HIPK3: variants seen among roughly 807,000 people sequenced by gnomAD.
HIPK3 encodes homeodomain-interacting protein kinase 3.
In HIPK3, 47 loss-of-function variants were observed where a neutral mutation model predicts 124.2. The ratio of observed to expected loss-of-function variants is 0.38; its 90% CI spans 0.30 to 0.48. The LOEUF (loss-of-function observed/expected upper bound fraction) is 0.48. HIPK3 is among the 20% of genes least tolerant of loss of function. The pLI, the probability that HIPK3 is intolerant of heterozygous loss-of-function variation, is 0.98. For synonymous variants in HIPK3, 482 were observed against 515.2 expected, an observed-to-expected ratio of 0.94 and a Z score of 0.87; for missense variants, 1,286 against 1,454.3, an observed-to-expected ratio of 0.88 and a Z score of 1.88.
At chr11:33,338,450 TCTCGATCTCTTGAC>T (rs1853225634) in intron 4 of HIPK3, among the ~76,000 whole-genome samples, 2 of 152,166 alleles carry the variant, frequency 1.3e-5, no homozygotes, top group South Asian at 2.1e-4. Flanking sequence ...ACCAGGATGG[TCTCGATCTCTTGAC>T]CTCGTGATCC....
At chr11:33,342,807 A>C (rs1853376437) in intron 8 of HIPK3, among the ~76,000 whole-genome samples, 1 of 152,074 alleles carries the variant, frequency 6.6e-6, no homozygotes, top group African/African-American at 2.4e-5. Flanking sequence ...CGGCCTCCCA[A>C]AATGTTGGGA....
chr11:33,303,033 G>A (rs1053267296), intron 2 of HIPK3, among the ~76,000 whole-genome samples: 8 of 152,112 alleles, frequency 5.3e-5, no homozygotes, highest in Non-Finnish European at 8.8e-5. Context: ...ATGCAAACCA[G>A]TCTGATCTGT....
At chr11:33,298,746 T>C (rs1419666040) in intron 2 of HIPK3, among the ~76,000 whole-genome samples, 1 of 152,148 alleles carries the variant, frequency 6.6e-6, no homozygotes, top group Non-Finnish European at 1.5e-5. Context: ...AGAGAACTAT[T>C]AGTAGAATTA....
intron 2 of HIPK3, among the ~76,000 whole-genome samples, chr11:33,315,877 G>T (rs1340560461): frequency 6.6e-6 from 1 of 152,078 alleles, no homozygotes; most frequent in Non-Finnish European, 1.5e-5. Flanking sequence ...TTTGTACTTG[G>T]TGCTTTGATC....
intron 2 of HIPK3, among the ~76,000 whole-genome samples, chr11:33,326,657 T>TG (rs1852820293): frequency 6.6e-6 from 1 of 151,462 alleles, no homozygotes; most frequent in Admixed American, 6.6e-5. Context: ...GAGTTATGAC[T>TG]GGTCAAATCT....
chr11:33,338,710 AAAT>A (rs765863086), intron 4 of HIPK3, 44 bp from the exon 5 acceptor site: 1 of 1,272,766 alleles, frequency 7.9e-7, no homozygotes, highest in Non-Finnish European at 1.1e-6. Flanking sequence ...AGGATTAAAG[AAAT>A]TTGTAATAAT....
At chr11:33,258,835 T>G in intron 1 of HIPK3, 1 of 605,620 alleles carries the variant, frequency 1.7e-6, no homozygotes, top group Non-Finnish European at 2.1e-6. Flanking sequence ...TCACAACCTC[T>G]TACTGCCCTG....
chr11:33,268,409 T>C (rs900621119), intron 1 of HIPK3, among the ~76,000 whole-genome samples: 1 of 151,616 alleles, frequency 6.6e-6, no homozygotes, highest in African/African-American at 2.4e-5. Flanking sequence ...AGCCTGGGTA[T>C]ATAGTGAGAC....
At position 33,295,769 on chromosome 11, in the gene HIPK3, T is replaced by C. The variant is rs193014533; in HGVS notation, c.1097+8258T>C. The stretch of plus-strand genomic sequence containing the variant: ...AGAACTGATGTTGTGTCCACACATA[T>C]TGAGAGGCGCATGATGTCAATTTGT... On this transcript the variant is annotated intron_variant, in intron 2 of 16. Coordinates refer to ENST00000303296, the MANE Select transcript of HIPK3 (RefSeq NM_005734.5). Among the ~76,000 whole-genome samples the C allele has an allele frequency of 8.7e-4, 132 of 152,348 alleles. 1 individual carries two copies. The highest frequency in any genetic ancestry group is 3.4e-3 in the Middle Eastern group (1 of 294).
intron 3 of HIPK3, among the ~76,000 whole-genome samples, chr11:33,336,338 A>G (rs1008770047): frequency 6.6e-6 from 1 of 152,194 alleles, no homozygotes; most frequent in East Asian, 1.9e-4. Context: ...CTCTTCCCCA[A>G]GAGACACAGC....
chr11:33,336,920 A>G (rs573314420), intron 3 of HIPK3, among the ~76,000 whole-genome samples, 155 bp from the exon 4 acceptor site: 2 of 152,318 alleles, frequency 1.3e-5, no homozygotes, highest in Non-Finnish European at 2.9e-5. Flanking sequence ...TCCACATTAT[A>G]ATTTTTTCCA....
chr11:33,337,267 C>A, intron 4 of HIPK3, 73 bp downstream of exon 4: 1 of 767,276 alleles, frequency 1.3e-6, no homozygotes, highest in Non-Finnish European at 1.9e-6. Flanking sequence ...ATAATACCTT[C>A]CATGTCTATT....
At chr11:33,301,990 A>G (rs956089408) in intron 2 of HIPK3, among the ~76,000 whole-genome samples, 1 of 152,198 alleles carries the variant, frequency 6.6e-6, no homozygotes, top group African/African-American at 2.4e-5. Flanking sequence ...AGACCTGTAC[A>G]GTACCTAAGG....
chr11:33,291,277 T>C (rs1851691176), intron 2 of HIPK3, among the ~76,000 whole-genome samples: 1 of 152,246 alleles, frequency 6.6e-6, no homozygotes, highest in African/African-American at 2.4e-5. Flanking sequence ...ACTTGATTTT[T>C]CAATTTTTGT....
intron 1 of HIPK3, among the ~76,000 whole-genome samples, chr11:33,270,221 C>T (rs1268762991): frequency 6.6e-6 from 1 of 152,158 alleles, no homozygotes. Context: ...CTCAGGTGAT[C>T]CACCTGCCTC....
Position 33,339,476 on chromosome 11 carries a change from A to G in HIPK3, c.1555A>G (p.Thr519Ala). ...DADLRITPAETLNHPFVNMKH... is the reference protein window; with the variant it reads ...DADLRITPAEALNHPFVNMKH... ...AGATTTAAGAATTACTCCAGCTGAG[A>G]CCCTGAACCATCCTTTTGTTAATAT... Residue 519 changes from threonine to alanine, a missense_variant, in exon 6 of 17, where the codon ACC (threonine) becomes GCC (alanine). Transcript: ENST00000303296. The G allele has an allele frequency of 5.0e-6, 8 of 1,612,146 alleles. No individual in the cohort carries two copies. The highest frequency in any genetic ancestry group is 6.8e-6 in the Non-Finnish European group (8 of 1,178,592).
intron 2 of HIPK3, among the ~76,000 whole-genome samples, chr11:33,290,658 T>C (rs527368110): frequency 1.3e-5 from 2 of 151,368 alleles, no homozygotes; most frequent in African/African-American, 4.8e-5. Flanking sequence ...TTTTTAATAC[T>C]TGAGAATGTC....
At chr11:33,307,788 CAG>C (rs1271710591) in intron 2 of HIPK3, among the ~76,000 whole-genome samples, 1 of 150,980 alleles carries the variant, frequency 6.6e-6, no homozygotes. Context: ...GTGAGTGAGA[CAG>C]TGAGTGATTT....
intron 2 of HIPK3, among the ~76,000 whole-genome samples, chr11:33,319,454 C>T (rs1852599602): frequency 6.6e-6 from 1 of 151,570 alleles, no homozygotes; most frequent in Non-Finnish European, 1.5e-5. Context: ...CGAGATTGTG[C>T]CATTGCACTC....
Sources: allele counts gnomAD v4.1 joint callset (sites outside exome capture counted in the v4.1 genomes callset), GRCh38; gene constraint gnomAD v4.1.1; transcripts MANE v1.5; gene names NCBI Gene and HGNC (gene_info 2026-07-23, HGNC 2026-07-21).